The following KIF3A variants were observed in gnomAD, a reference collection of about 807,000 sequenced individuals.
KIF3A encodes the protein kinesin-like protein KIF3A.
In KIF3A, 27 loss-of-function variants were observed where a neutral mutation model predicts 92.6. That is an observed-to-expected ratio of 0.29 (90% CI 0.21 to 0.40). The LOEUF is 0.40. Ranked by LOEUF, KIF3A falls within the 10% of genes least tolerant of loss-of-function variation. The pLI, the probability that KIF3A is intolerant of heterozygous loss-of-function variation, is 1.00. For synonymous variants in KIF3A, 250 were observed against 275.4 expected (o/e 0.91, Z 0.92); for missense variants, 581 against 872.6 (o/e 0.67, Z 4.21).
intron 8 of KIF3A, among the ~76,000 whole-genome samples, chr5:132,714,338 TGAA>T (rs1289871577): frequency 2.6e-5 from 4 of 152,204 alleles, no homozygotes; most frequent in African/African-American, 9.7e-5. Context: ...AGAAGAAAAC[TGAA>T]GACGGATAAC....
intron 4 of KIF3A, among the ~76,000 whole-genome samples, chr5:132,725,682 A>G (rs1221605570): frequency 2.0e-5 from 3 of 152,166 alleles, no homozygotes; most frequent in African/African-American, 7.2e-5. Context: ...ACTACCAACA[A>G]CCATCAATTA....
intron 10 of KIF3A, 142 bp from the exon 11 acceptor site, chr5:132,706,601 C>T (rs1753220813): frequency 8.5e-6 from 5 of 586,676 alleles, no homozygotes; most frequent in Non-Finnish European, 1.1e-5. Flanking sequence ...AAATAAAAAT[C>T]AAACCGTTAT....
In KIF3A at chr5:132,731,424, A is replaced by G. The variant is rs146061873; in HGVS notation, c.280+2781T>C. 2.5e-3 allele frequency among the ~76,000 whole-genome samples: 380 copies of G among 152,372 alleles called. 4 individuals are homozygous for G. Among genetic ancestry groups the G allele is most frequent in the African/African-American group, 8.8e-3 (367 of 41,596 alleles). On this transcript the variant is annotated intron_variant, in intron 2 of 18. Transcript: ENST00000403231. ...GATTATTTCAATAGGTGCAGAAAAA[A>G]AATTACATTTGACAAAATCCAATAT...
At chr5:132,724,806 A>AAAAATT (rs59476182) in intron 4 of KIF3A, among the ~76,000 whole-genome samples, 3 of 22,694 alleles carry the variant, frequency 1.3e-4, no homozygotes, top group African/African-American at 1.8e-4. Context: ...AAAAAAAAAA[A>AAAAATT]ATATATATAT....
In KIF3A at chr5:132,724,803, AAAAATATATATAT is replaced by A. The variant is rs1561708633; in HGVS notation, c.510+1312_510+1324del. 5.2e-4 allele frequency among the ~76,000 whole-genome samples: 14 copies of A among 26,680 alleles called. 3 individuals are homozygous for A. Among genetic ancestry groups the A allele is most frequent in the African/African-American group, 2.0e-3 (14 of 6,982 alleles). The allele number at this position is 26,680 out of a possible 152,430, so 17.5% of individuals were successfully genotyped here. On this transcript the variant is annotated intron_variant, in intron 4 of 18. Coordinates refer to ENST00000403231, the MANE Select transcript of KIF3A (RefSeq NM_001300791.2). ...AACTTAAAGTATAATAAAAAAAAAA[AAAAATATATATAT>A]ATATATATATATATATATATATATA...
downstream of KIF3A, among the ~76,000 whole-genome samples, chr5:132,690,917 ACT>A (rs1410002243): frequency 6.6e-6 from 1 of 151,982 alleles, no homozygotes; most frequent in Non-Finnish European, 1.5e-5. Context: ...ACAGATCAAG[ACT>A]CTAAAAAAAA....
At chr5:132,697,547 G>A (rs964117685) in intron 18 of KIF3A, 1 of 152,092 alleles carries the variant, frequency 6.6e-6, no homozygotes, top group African/African-American at 2.4e-5. Context: ...CAGGCACGGT[G>A]GCTCATGCCT....
downstream of KIF3A, among the ~76,000 whole-genome samples, chr5:132,690,635 TA>T (rs1752639445): frequency 6.6e-6 from 1 of 152,026 alleles, no homozygotes; most frequent in Non-Finnish European, 1.5e-5. Flanking sequence ...AATTAAAAAA[TA>T]AAAATTTCAG....
At chr5:132,719,142 T>C (rs1447237603) in intron 5 of KIF3A, among the ~76,000 whole-genome samples, 1 of 152,234 alleles carries the variant, frequency 6.6e-6, no homozygotes, top group East Asian at 1.9e-4. Context: ...CACCAATTTA[T>C]ATTCCATCCT....
At chr5:132,714,437 A>C (rs1001363047) in intron 8 of KIF3A, among the ~76,000 whole-genome samples, 3 of 152,236 alleles carry the variant, frequency 2.0e-5, no homozygotes, top group Non-Finnish European at 2.9e-5. Context: ...AAGTTTAACC[A>C]CAATTTTTTA....
chr5:132,708,198 C>T (rs1001206714), intron 10 of KIF3A, among the ~76,000 whole-genome samples: 2 of 149,564 alleles, frequency 1.3e-5, no homozygotes, highest in African/African-American at 4.9e-5. Flanking sequence ...AGGAGAATGG[C>T]GTGAACCCGG....
chr5:132,728,753 A>T (rs1315278332), intron 2 of KIF3A, among the ~76,000 whole-genome samples: 1 of 151,490 alleles, frequency 6.6e-6, no homozygotes, highest in Non-Finnish European at 1.5e-5. Flanking sequence ...TACAATAAAT[A>T]AATAAATAAA....
At chr5:132,727,794 T>C (rs1754084045) in intron 2 of KIF3A, among the ~76,000 whole-genome samples, 1 of 152,200 alleles carries the variant, frequency 6.6e-6, no homozygotes, top group Admixed American at 6.5e-5. Flanking sequence ...GCTGGAGTAG[T>C]TGGTCAGGAC....
At chr5:132,730,242 G>A (rs968414304) in intron 2 of KIF3A, among the ~76,000 whole-genome samples, 4 of 152,046 alleles carry the variant, frequency 2.6e-5, no homozygotes, top group Non-Finnish European at 4.4e-5. Flanking sequence ...CAAGGCAGGC[G>A]GATCACCTGA....
At chr5:132,723,794 C>G (rs1190562198) in intron 4 of KIF3A, 3 of 152,140 alleles carry the variant, frequency 2.0e-5, no homozygotes, top group African/African-American at 4.8e-5. Flanking sequence ...CCAAAATTGA[C>G]AAATGGGATC....
At chr5:132,697,826 T>G (rs1490081064) in intron 18 of KIF3A, 1 of 152,214 alleles carries the variant, frequency 6.6e-6, no homozygotes, top group Non-Finnish European at 1.5e-5. Flanking sequence ...AGGAAGAGAA[T>G]AGCAGCCACT....
At chr5:132,699,826 T>C (rs1212204122) in intron 17 of KIF3A, among the ~76,000 whole-genome samples, 2 of 151,654 alleles carry the variant, frequency 1.3e-5, no homozygotes, top group African/African-American at 4.8e-5. Flanking sequence ...CCTCCCAAAG[T>C]GCTGGGATTA....
intron 16 of KIF3A, 54 bp downstream of exon 16, chr5:132,700,593 G>C: frequency 8.2e-7 from 1 of 1,223,208 alleles, no homozygotes; most frequent in Non-Finnish European, 1.2e-6. Flanking sequence ...ACAATTTCTA[G>C]ACCATAGGAA....
At chr5:132,723,826 G>A (rs1188801654) in intron 4 of KIF3A, 8 of 152,168 alleles carry the variant, frequency 5.3e-5, no homozygotes, top group African/African-American at 1.9e-4. Context: ...AAGAGCTTCT[G>A]CACAGCAAAA....
Sources: gnomAD v4.1 joint callset for allele counts (sites outside exome capture counted in the v4.1 genomes callset) on GRCh38, gnomAD v4.1.1 for gene constraint, MANE v1.5 for transcripts, NCBI Gene and HGNC (gene_info 2026-07-23, HGNC 2026-07-21) for gene names.